TOX2: variants seen among roughly 807,000 people sequenced by gnomAD.
The protein encoded by TOX2 is TOX high mobility group box family member 2.
In TOX2, 15 loss-of-function variants were observed where a neutral mutation model predicts 47.4. The observed-to-expected ratio is 0.32, with a 90% CI of 0.21 to 0.49. The LOEUF is 0.49. Ranked by LOEUF, TOX2 falls within the 20% of genes least tolerant of loss-of-function variation. TOX2 has a pLI of 0.99. For missense variants in TOX2, 622 were observed against 673.1 expected, an observed-to-expected ratio of 0.92 and a Z score of 0.84; for synonymous variants, 290 against 296.6, an observed-to-expected ratio of 0.98 and a Z score of 0.23.
intron 2 of TOX2, among the ~76,000 whole-genome samples, chr20:43,985,799 G>A (rs1042528546): frequency 6.6e-6 from 1 of 152,166 alleles, no homozygotes; most frequent in Non-Finnish European, 1.5e-5. Context: ...TGTGCCAACA[G>A]CCACCCGGTG....
intron 3 of TOX2, among the ~76,000 whole-genome samples, chr20:44,007,914 G>T (rs2070715535): frequency 6.6e-6 from 1 of 152,036 alleles, no homozygotes; most frequent in Non-Finnish European, 1.5e-5. Context: ...CTATAAATTT[G>T]TCTGTTCTGG....
intron 3 of TOX2, among the ~76,000 whole-genome samples, chr20:44,026,791 C>A (rs1363653245): frequency 2.0e-5 from 3 of 152,134 alleles, no homozygotes; most frequent in Admixed American, 6.5e-5. Context: ...ACTGTGTGAC[C>A]TCAGGGCTGG....
intron 3 of TOX2, among the ~76,000 whole-genome samples, chr20:44,021,967 G>A (rs1321986879): frequency 6.6e-6 from 1 of 152,116 alleles, no homozygotes; most frequent in African/African-American, 2.4e-5. Flanking sequence ...AACCAGAACT[G>A]TACCTTCCCA....
intron 2 of TOX2, among the ~76,000 whole-genome samples, chr20:43,990,309 G>C (rs1328602876): frequency 6.6e-6 from 1 of 152,194 alleles, no homozygotes; most frequent in African/African-American, 2.4e-5. Flanking sequence ...TGGTAACTCC[G>C]TAGGTTGCAG....
At chr20:44,050,704 T>G (rs778347519) in intron 3 of TOX2, among the ~76,000 whole-genome samples, 2 of 152,228 alleles carry the variant, frequency 1.3e-5, no homozygotes, top group Admixed American at 6.5e-5. Context: ...AGAAATTTAT[T>G]TATTCAATGT....
At chr20:44,044,824 C>T (rs1377208883) in intron 3 of TOX2, among the ~76,000 whole-genome samples, 1 of 152,168 alleles carries the variant, frequency 6.6e-6, no homozygotes, top group Non-Finnish European at 1.5e-5. Context: ...GATACTTGTG[C>T]ACCCACATTC....
chr20:43,961,305 G>T (rs899395468), intron 1 of TOX2, among the ~76,000 whole-genome samples: 2 of 152,202 alleles, frequency 1.3e-5, no homozygotes, highest in African/African-American at 4.8e-5. Flanking sequence ...ATCTGGGCAG[G>T]GGGCTTGGAA....
intron 1 of TOX2, among the ~76,000 whole-genome samples, chr20:43,947,151 C>T (rs2069487902): frequency 6.6e-6 from 1 of 152,162 alleles, no homozygotes. Context: ...CTATTGAGCA[C>T]CTACTGTATA....
intron 1 of TOX2, among the ~76,000 whole-genome samples, chr20:43,966,352 G>GT (rs1468023309): frequency 6.6e-6 from 1 of 152,208 alleles, no homozygotes; most frequent in Admixed American, 6.5e-5. Flanking sequence ...AAGCAAGACA[G>GT]TGTTAAGGTT....
intron 3 of TOX2, among the ~76,000 whole-genome samples, chr20:44,050,299 C>T (rs2071487467): frequency 6.6e-6 from 1 of 152,040 alleles, no homozygotes. Flanking sequence ...AATTAGAAAA[C>T]AGAGAAGCAG....
chr20:43,979,504 A>G (rs6017233), intron 2 of TOX2, among the ~76,000 whole-genome samples: 6,841 of 152,236 alleles, frequency 0.045, 488 homozygotes, highest in African/African-American at 0.14. Flanking sequence ...AAAATTTATC[A>G]AAGGATAAAT....
intron 1 of TOX2, among the ~76,000 whole-genome samples, chr20:43,946,874 C>G (rs991282485): frequency 6.6e-6 from 1 of 152,126 alleles, no homozygotes; most frequent in Non-Finnish European, 1.5e-5. Flanking sequence ...CCAGGAGACC[C>G]GACCTCTTCT....
rs373653675 is a variant in TOX2 at position 43,916,127 on chromosome 20, G to C, written c.99+1137G>C. On this transcript the variant is annotated intron_variant, in intron 1 of 8. Transcript: ENST00000341197. This position sits in a 1 kb window ranked among gnomAD's most constrained non-coding sequence, Gnocchi z 5.0. ...CGGCTGGAGCCAAGCGCGGGTTTTC[G>C]TCACTCGGAGCCCGGATTGAACAGC... 1.0e-6 allele frequency: 1 copy of C among 985,520 alleles called. No homozygotes were observed. Among genetic ancestry groups the C allele is most frequent in the Non-Finnish European group, 1.2e-6 (1 of 829,976 alleles). 61.0% of individuals were successfully genotyped at this position (985,520 alleles called of 1,614,324 possible).
intron 2 of TOX2, among the ~76,000 whole-genome samples, chr20:43,997,383 G>T (rs2070499187): frequency 6.6e-6 from 1 of 152,048 alleles, no homozygotes; most frequent in African/African-American, 2.4e-5. Context: ...AGAAACCAAA[G>T]GGTCAAGCAG....
At chr20:43,991,806 G>T (rs2070373867) in intron 2 of TOX2, among the ~76,000 whole-genome samples, 1 of 151,954 alleles carries the variant, frequency 6.6e-6, no homozygotes, top group Non-Finnish European at 1.5e-5. Flanking sequence ...ACTATGCCCG[G>T]ATCATTTTTG....
intron 5 of TOX2, 22 bp from the exon 6 acceptor site, chr20:44,064,755 G>A: frequency 6.2e-7 from 1 of 1,612,430 alleles, no homozygotes; most frequent in Non-Finnish European, 8.5e-7. Flanking sequence ...CCCCAGTGTT[G>A]CTCATGTGTT....
rs1209475232 is a variant in TOX2 at position 44,006,685 on chromosome 20, A to G, written c.304A>G (p.Asn102Asp). 3 of 1,614,050 alleles carry G rather than the reference A, an allele frequency of 1.9e-6. No individual in the cohort carries two copies. Among genetic ancestry groups the G allele is most frequent in the East Asian group, 2.2e-5 (1 of 44,866 alleles). Residue 102 changes from asparagine (N) to aspartate (D), a missense_variant, in exon 3 of 9, where the codon AAC becomes GAC. Asn to Asp is a conservative substitution (Grantham distance 23). Coordinates refer to ENST00000341197, the MANE Select transcript of TOX2 (RefSeq NM_001098797.2). ...YHSLCHGLTP[N>D]GLLPAYSYQA... The stretch of plus-strand genomic sequence containing the variant: ...CTCGCTGTGCCACGGCCTCACCCCC[A>G]ACGGTCTGCTCCCTGCCTACTCCTA...
rs538788074 is a variant in TOX2, at chr20:44,066,304, A to G, written c.1356+197A>G. On this transcript the variant is annotated intron_variant, in intron 7 of 8. Transcript: ENST00000341197. ...CTGAGATGTGCTGGCTGCAGTGAACAGTTCACGAGTTGCCAGACTGACTCT... is the reference window on the plus strand; with the variant it reads ...CTGAGATGTGCTGGCTGCAGTGAACGGTTCACGAGTTGCCAGACTGACTCT... Among the ~76,000 whole-genome samples the G allele has an allele frequency of 4.6e-5, 7 of 152,270 alleles. No individual in the cohort carries two copies. In the South Asian group the frequency reaches 1.5e-3, roughly 32 times the overall value.
intron 1 of TOX2, among the ~76,000 whole-genome samples, chr20:43,923,501 C>T (rs536116214): frequency 6.6e-6 from 1 of 152,210 alleles, no homozygotes; most frequent in African/African-American, 2.4e-5. Flanking sequence ...AAAGTTAGCA[C>T]TACTAGCAAG....
Sources: allele counts gnomAD v4.1 joint callset (sites outside exome capture counted in the v4.1 genomes callset), GRCh38; gene constraint gnomAD v4.1.1; non-coding constraint Gnocchi (gnomAD v3.1); transcripts MANE v1.5; gene names NCBI Gene and HGNC (gene_info 2026-07-23, HGNC 2026-07-21).